Variants in MALRD1 observed in about 807,000 individuals in gnomAD.
The protein encoded by MALRD1 is MAM and LDL receptor class A domain containing 1.
MALRD1 carries 247 observed loss-of-function variants against 242.1 expected under a neutral mutation model. The observed-to-expected ratio is 1.02, with a 90% CI of 0.92 to 1.13. The LOEUF (loss-of-function observed/expected upper bound fraction) is 1.13, where lower values mean the gene tolerates loss of function less well. MALRD1 is among the 50% of genes most tolerant of loss of function. MALRD1 has a pLI of 0.00. For synonymous variants in MALRD1, 995 were observed against 866.6 expected, an observed-to-expected ratio of 1.15 and a Z score of -2.60; for missense variants, 2,989 against 2,533.1, an observed-to-expected ratio of 1.18 and a Z score of -3.86.
chr10:19,530,393 T>TA lies in MALRD1; in HGVS notation c.5321-800dup, dbSNP rs1433661525. Among the ~76,000 whole-genome samples the TA allele has an allele frequency of 9.2e-3, 466 of 50,394 alleles. 25 individuals are homozygous for TA. In the East Asian group the frequency reaches 0.11, roughly 12 times the overall value. 33.1% of individuals were successfully genotyped at this position (50,394 alleles called of 152,430 possible). ...TATTTATATAAATATTATATATTTA[T>TA]ATAAATATTATATATTTATATAATA... is the stretch of plus-strand genomic sequence containing the variant. On this transcript the variant is annotated intron_variant, in intron 31 of 39. Coordinates refer to ENST00000454679, the MANE Select transcript of MALRD1 (RefSeq NM_001142308.3).
chr10:19,457,863 T>C (rs962037355), intron 29 of MALRD1, among the ~76,000 whole-genome samples: 1 of 151,880 alleles, frequency 6.6e-6, no homozygotes, highest in African/African-American at 2.4e-5. Context: ...TGTTAAGTGA[T>C]GTTTTAAAAT....
intron 2 of MALRD1, among the ~76,000 whole-genome samples, chr10:19,081,453 T>C (rs1466015261): frequency 1.3e-5 from 2 of 152,112 alleles, no homozygotes; most frequent in African/African-American, 4.8e-5. Flanking sequence ...AATGAGATCA[T>C]GTCCTTTGCA....
chr10:19,674,388 T>G (rs1842052662), intron 36 of MALRD1, among the ~76,000 whole-genome samples: 2 of 152,190 alleles, frequency 1.3e-5, no homozygotes, highest in Non-Finnish European at 2.9e-5. Flanking sequence ...TTGAAAAATT[T>G]CCTGTTTTAG....
intron 18 of MALRD1, among the ~76,000 whole-genome samples, chr10:19,245,640 C>T (rs1410152341): frequency 6.6e-6 from 1 of 152,094 alleles, no homozygotes; most frequent in Non-Finnish European, 1.5e-5. Context: ...TAACACAGAA[C>T]TTAGATTAGA....
chr10:19,456,586 A>G (rs1309347270), intron 29 of MALRD1, among the ~76,000 whole-genome samples: 2 of 152,186 alleles, frequency 1.3e-5, no homozygotes, highest in Non-Finnish European at 2.9e-5. Context: ...TTCTTCACTT[A>G]GTTTACATGA....
At chr10:19,200,638 G>A in intron 14 of MALRD1, among the ~76,000 whole-genome samples, 1 of 115,074 alleles carries the variant, frequency 8.7e-6, no homozygotes, top group Non-Finnish European at 1.7e-5. Context: ...CTCCCTCCCT[G>A]CTTGAGGTTT....
intron 21 of MALRD1, among the ~76,000 whole-genome samples, chr10:19,317,281 T>C (rs1301638523): frequency 6.6e-6 from 1 of 151,894 alleles, no homozygotes; most frequent in Non-Finnish European, 1.5e-5. Context: ...TGTTTTCCCA[T>C]GGTGGAAAAG....
chr10:19,289,743 T>C (rs1564533511), intron 21 of MALRD1, among the ~76,000 whole-genome samples: 2 of 152,224 alleles, frequency 1.3e-5, no homozygotes, highest in Non-Finnish European at 2.9e-5. Context: ...GAAGGAAAAC[T>C]TTTCTAATTT....
chr10:19,646,044 G>A (rs1282896273), intron 36 of MALRD1, among the ~76,000 whole-genome samples: 1 of 152,042 alleles, frequency 6.6e-6, no homozygotes. Context: ...AATAGAAAAA[G>A]CAAATTATTT....
rs1432116411 is a variant in MALRD1, at chr10:19,389,537, T to C, written c.4773T>C (p.Ser1591=). 1 of 1,550,706 alleles carries C rather than the reference T, an allele frequency of 6.4e-7. No individual in the cohort carries two copies. The highest frequency in any genetic ancestry group is 8.7e-7 in the Non-Finnish European group (1 of 1,146,960). ...HFRSTMWRES[S]AACTMSFWYF... Reference sequence around the variant, plus strand: ...GGAGTACCATGTGGCGAGAATCCAGTGCAGCCTGCACCATGAGCTTCTGGT... The same window carrying C: ...GGAGTACCATGTGGCGAGAATCCAGCGCAGCCTGCACCATGAGCTTCTGGT... Residue 1591 remains serine (S), a synonymous_variant, in exon 28 of 40, where the codon AGT becomes AGC. Transcript: ENST00000454679.
intron 36 of MALRD1, among the ~76,000 whole-genome samples, chr10:19,687,934 TTATGTTATGTTATG>T (rs1842650478): frequency 7.0e-6 from 1 of 143,648 alleles, no homozygotes; most frequent in South Asian, 2.1e-4. Context: ...TTATGTTATG[TTATGTTATGTTATG>T]TTATGTTATG....
chr10:19,094,727 A>C (rs112664201), intron 4 of MALRD1, among the ~76,000 whole-genome samples: 74 of 152,332 alleles, frequency 4.9e-4, no homozygotes, highest in African/African-American at 1.7e-3. Context: ...CTTATTCCAA[A>C]TGCTGTTGAA....
At chr10:19,686,152 T>TA (rs2131807076) in intron 36 of MALRD1, among the ~76,000 whole-genome samples, 2 of 147,736 alleles carry the variant, frequency 1.4e-5, no homozygotes, top group South Asian at 4.5e-4. Flanking sequence ...GAAAATTTAT[T>TA]AAAAAGCTTT....
rs141896919 is a variant in MALRD1, at chr10:19,683,833, C to T, written c.6138-8449C>T. 4.1e-3 allele frequency among the ~76,000 whole-genome samples: 625 copies of T among 152,192 alleles called. 7 individuals are homozygous for T. The East Asian group carries it at 0.058, about 14-fold the overall frequency. On this transcript the variant is annotated intron_variant, in intron 36 of 39. Coordinates refer to ENST00000454679, the MANE Select transcript of MALRD1 (RefSeq NM_001142308.3). ...CGTGCAGGATTGCTACATAGGTATA[C>T]ATGTGCTGTGGTGGTTTGCTGCACA...
At chr10:19,391,718 T>C (rs945400914) in intron 28 of MALRD1, among the ~76,000 whole-genome samples, 2 of 151,784 alleles carry the variant, frequency 1.3e-5, no homozygotes, top group African/African-American at 4.9e-5. Flanking sequence ...TGATTCCTTT[T>C]CTGAGTGTCT....
intron 38 of MALRD1, among the ~76,000 whole-genome samples, chr10:19,712,355 ATT>A (rs1231352979): frequency 6.6e-6 from 1 of 152,322 alleles, no homozygotes; most frequent in East Asian, 1.9e-4. Flanking sequence ...ATGCAGTTTT[ATT>A]GCTTTTTGCA....
intron 29 of MALRD1, among the ~76,000 whole-genome samples, chr10:19,460,837 G>A (rs1248900174): frequency 2.0e-5 from 3 of 152,258 alleles, no homozygotes; most frequent in East Asian, 3.9e-4. Context: ...AAAGCACATG[G>A]ATAACTCATC....
intron 14 of MALRD1, among the ~76,000 whole-genome samples, chr10:19,187,516 T>C (rs1202374396): frequency 2.6e-5 from 4 of 151,954 alleles, no homozygotes; most frequent in African/African-American, 9.7e-5. Context: ...TCTGGTGAAT[T>C]TGAACAATAG....
intron 1 of MALRD1, among the ~76,000 whole-genome samples, chr10:19,052,402 C>T (rs1327279086): frequency 2.6e-5 from 4 of 152,152 alleles, no homozygotes; most frequent in Non-Finnish European, 4.4e-5. Context: ...TATAATAAAT[C>T]ATCCTGTCAA....
Sources: allele counts gnomAD v4.1 joint callset (sites outside exome capture counted in the v4.1 genomes callset), GRCh38; gene constraint gnomAD v4.1.1; transcripts MANE v1.5; gene names NCBI Gene and HGNC (gene_info 2026-07-23, HGNC 2026-07-21).